ADIPOR2: variants seen among roughly 807,000 people sequenced by gnomAD.
The protein encoded by ADIPOR2 is adiponectin receptor protein 2.
Under a neutral mutation model 40.9 loss-of-function variants are expected in ADIPOR2, and 18 were observed. That is an observed-to-expected ratio of 0.44 (90% CI 0.30 to 0.65). The LOEUF is 0.65. ADIPOR2 is among the 30% of genes least tolerant of loss of function. The probability of loss-of-function intolerance (pLI) is 0.09; values close to 1 mark genes in which losing one functional copy is unlikely to be tolerated. For synonymous variants in ADIPOR2, 165 were observed against 166.4 expected, an observed-to-expected ratio of 0.99 and a Z score of 0.06; for missense variants, 283 against 479.2, an observed-to-expected ratio of 0.59 and a Z score of 3.82.
chr12:1,706,624 T>C (rs960587903), intron 1 of ADIPOR2, among the ~76,000 whole-genome samples: 3 of 152,196 alleles, frequency 2.0e-5, no homozygotes, highest in African/African-American at 7.2e-5. Flanking sequence ...ATTTAAACAA[T>C]GAAATATACT....
chr12:1,776,173 C>G (rs1043214310), intron 3 of ADIPOR2, among the ~76,000 whole-genome samples: 1 of 152,136 alleles, frequency 6.6e-6, no homozygotes, highest in Admixed American at 6.5e-5. Context: ...TCCTCACTTC[C>G]TTTGGATGTG....
intron 2 of ADIPOR2, among the ~76,000 whole-genome samples, chr12:1,766,093 A>G (rs979052142): frequency 1.3e-5 from 2 of 152,200 alleles, no homozygotes; most frequent in African/African-American, 4.8e-5. Flanking sequence ...GTTTAGTTGG[A>G]GAGACAGGTA....
Position 1,787,065 on chromosome 12 carries a change from G to A in ADIPOR2, c.*993G>A, listed in dbSNP as rs1195072601. ...TTATGGGAAGTCTTATTAGAGGGAT[G>A]GGACAGTTTTCCATATCCTTGCTGT... On this transcript the variant is annotated 3_prime_UTR_variant, in exon 8 of 8. Coordinates refer to ENST00000357103, the MANE Select transcript of ADIPOR2 (RefSeq NM_024551.3). 6.6e-6 allele frequency: 1 copy of A among 152,178 alleles called. No homozygotes were observed. The highest frequency in any genetic ancestry group is 1.5e-5 in the Non-Finnish European group (1 of 68,046). The allele number at this position is 152,178 out of a possible 1,614,324, so 9.4% of individuals were successfully genotyped here.
At chr12:1,765,841 C>T (rs1479161615) in intron 2 of ADIPOR2, among the ~76,000 whole-genome samples, 1 of 152,118 alleles carries the variant, frequency 6.6e-6, no homozygotes, top group Admixed American at 6.6e-5. Flanking sequence ...TGTCCACTCC[C>T]CCATCAGCTT....
chr12:1,754,747 C>A (rs1254905588), intron 2 of ADIPOR2, among the ~76,000 whole-genome samples: 2 of 150,460 alleles, frequency 1.3e-5, no homozygotes, highest in African/African-American at 5.0e-5. Context: ...ACTACTACTA[C>A]TATTGAGACG....
At chr12:1,706,318 G>A (rs527400790) in intron 1 of ADIPOR2, among the ~76,000 whole-genome samples, 12 of 152,288 alleles carry the variant, frequency 7.9e-5, no homozygotes, top group South Asian at 4.1e-4. Context: ...TGGTAACATG[G>A]TAACTTCTAT....
At chr12:1,756,997 T>C (rs1862146744) in intron 2 of ADIPOR2, among the ~76,000 whole-genome samples, 1 of 152,162 alleles carries the variant, frequency 6.6e-6, no homozygotes, top group African/African-American at 2.4e-5. Context: ...TTGTTAGATA[T>C]CTTAGAAGAT....
At chr12:1,779,578 A>C (rs978145303) in intron 4 of ADIPOR2, among the ~76,000 whole-genome samples, 2 of 152,124 alleles carry the variant, frequency 1.3e-5, no homozygotes, top group Non-Finnish European at 2.9e-5. Context: ...ATATTTTGGA[A>C]TTAGTTAGTG....
At chr12:1,774,427 G>A (rs547302510) in intron 3 of ADIPOR2, among the ~76,000 whole-genome samples, 1 of 152,328 alleles carries the variant, frequency 6.6e-6, no homozygotes, top group South Asian at 2.1e-4. Flanking sequence ...GAGGCATCCT[G>A]TTACACAGTG....
chr12:1,712,108 A>G (rs2154441798), intron 1 of ADIPOR2, among the ~76,000 whole-genome samples: 1 of 152,186 alleles, frequency 6.6e-6, no homozygotes, highest in South Asian at 2.1e-4. Flanking sequence ...TTTGTATCCC[A>G]TTCTTCACAG....
intron 1 of ADIPOR2, among the ~76,000 whole-genome samples, chr12:1,749,033 T>C (rs970972624): frequency 6.6e-6 from 1 of 152,158 alleles, no homozygotes; most frequent in African/African-American, 2.4e-5. Context: ...CATGGCCCCC[T>C]CTTTGGGTTC....
intron 1 of ADIPOR2, among the ~76,000 whole-genome samples, chr12:1,748,387 T>C (rs924620077): frequency 6.6e-6 from 1 of 152,136 alleles, no homozygotes; most frequent in African/African-American, 2.4e-5. Context: ...TAGCTGGAAC[T>C]ACAGGTGCCC....
chr12:1,722,541 T>C (rs187703625), intron 1 of ADIPOR2, among the ~76,000 whole-genome samples: 78 of 152,234 alleles, frequency 5.1e-4, no homozygotes, highest in African/African-American at 1.8e-3. Context: ...GAATGGAAAC[T>C]AGATTGTAGA....
chr12:1,779,123 G>A (rs190364636), intron 4 of ADIPOR2, among the ~76,000 whole-genome samples: 4 of 152,274 alleles, frequency 2.6e-5, no homozygotes, highest in African/African-American at 9.6e-5. Flanking sequence ...GAAAAGTCTG[G>A]CAGTTCCTCA....
intron 1 of ADIPOR2, among the ~76,000 whole-genome samples, chr12:1,744,043 A>G (rs573606648): frequency 3.9e-4 from 59 of 152,302 alleles, no homozygotes; most frequent in African/African-American, 1.4e-3. Flanking sequence ...CTGAATGCAG[A>G]AAGGAATGTT....
chr12:1,744,541 T>C (rs78921865), intron 1 of ADIPOR2, among the ~76,000 whole-genome samples: 2 of 151,854 alleles, frequency 1.3e-5, no homozygotes, highest in Non-Finnish European at 2.9e-5. Flanking sequence ...TTCACCATGT[T>C]GACCAGGCTG....
Position 1,772,833 on chromosome 12 carries a change from G to A in ADIPOR2, c.172-9G>A. On this transcript the variant is annotated splice_polypyrimidine_tract_variant and intron_variant, in intron 2 of 7. Coordinates refer to ENST00000357103, the MANE Select transcript of ADIPOR2 (RefSeq NM_024551.3). ...TCTGTCCTTGACTGTTTCTGTGATTGCCTTGCAGAGCTCTGAGGAACATGA... is the reference window on the plus strand; with the variant it reads ...TCTGTCCTTGACTGTTTCTGTGATTACCTTGCAGAGCTCTGAGGAACATGA... 1 of 1,604,820 alleles carries A rather than the reference G, an allele frequency of 6.2e-7. No individual in the cohort carries two copies. Among genetic ancestry groups the A allele is most frequent in the Non-Finnish European group, 8.5e-7 (1 of 1,175,178 alleles).
intron 1 of ADIPOR2, among the ~76,000 whole-genome samples, chr12:1,720,063 A>C (rs1026802660): frequency 1.3e-5 from 2 of 152,186 alleles, no homozygotes; most frequent in Non-Finnish European, 2.9e-5. Context: ...TTCATAGTTC[A>C]AGAAGGGAAG....
At chr12:1,715,235 C>T (rs1165699535) in intron 1 of ADIPOR2, among the ~76,000 whole-genome samples, 1 of 152,088 alleles carries the variant, frequency 6.6e-6, no homozygotes, top group Non-Finnish European at 1.5e-5. Context: ...TAAGGTATTT[C>T]ACTCCGTTTG....
Sources: allele counts gnomAD v4.1 joint callset (sites outside exome capture counted in the v4.1 genomes callset), GRCh38; gene constraint gnomAD v4.1.1; transcripts MANE v1.5; gene names NCBI Gene and HGNC (gene_info 2026-07-23, HGNC 2026-07-21).